EFCAB6: variants seen among roughly 807,000 people sequenced by gnomAD.
The protein encoded by EFCAB6 is EF-hand calcium-binding domain-containing protein 6.
A neutral mutation model predicts 169.8 loss-of-function variants in EFCAB6; 156 were observed. That is an observed-to-expected ratio of 0.92 (90% confidence interval 0.81 to 1.05). The LOEUF is 1.05. Among genes scored for constraint, EFCAB6 ranks in the 50% least tolerant of loss-of-function variants. The pLI, the probability that EFCAB6 is intolerant of heterozygous loss-of-function variation, is 0.00. For missense variants in EFCAB6, 1,800 were observed against 1,829.1 expected, an observed-to-expected ratio of 0.98 and a Z score of 0.29; for synonymous variants, 698 against 676.4, an observed-to-expected ratio of 1.03 and a Z score of -0.50.
rs547423395 is a variant in EFCAB6 at position 43,675,317 on chromosome 22, T to A, written c.1419+2679A>T. 3.9e-3 allele frequency among the ~76,000 whole-genome samples: 152 copies of A among 38,504 alleles called. 1 individual carries two copies. The highest frequency in any genetic ancestry group is 0.011 in the African/African-American group (145 of 13,180). 25.3% of individuals were successfully genotyped at this position (38,504 alleles called of 152,430 possible). On this transcript the variant is annotated intron_variant, in intron 13 of 31. Transcript: ENST00000262726. ...TAGCATAATTATATATTATAGTATA[T>A]TATACTATAATATATAATATAATAT...
At chr22:43,637,035 C>T (rs2055455765) in intron 17 of EFCAB6, among the ~76,000 whole-genome samples, 1 of 152,154 alleles carries the variant, frequency 6.6e-6, no homozygotes, top group Non-Finnish European at 1.5e-5. Context: ...AGCAGCTCTG[C>T]CATGGAGCCC....
chr22:43,649,028 G>A (rs1021937353), intron 17 of EFCAB6, among the ~76,000 whole-genome samples: 1 of 151,762 alleles, frequency 6.6e-6, no homozygotes, highest in African/African-American at 2.4e-5. Flanking sequence ...TGGTGCAAAC[G>A]AGCCAATGCC....
chr22:43,755,962 C>CTACT, intron 5 of EFCAB6, 130 bp from the exon 6 acceptor site: 1 of 903,562 alleles, frequency 1.1e-6, no homozygotes, highest in South Asian at 2.1e-5. Context: ...TTCTTACAAG[C>CTACT]TACTGTCTGC....
At chr22:43,576,208 C>G (rs1424415415) in intron 26 of EFCAB6, 89 bp downstream of exon 26, 4 of 1,146,954 alleles carry the variant, frequency 3.5e-6, no homozygotes, top group Non-Finnish European at 4.8e-6. Context: ...GCCAATTTAT[C>G]TGATATGGTT....
chr22:43,808,122 G>A (rs749241646), intron 2 of EFCAB6, among the ~76,000 whole-genome samples: 15 of 152,174 alleles, frequency 9.9e-5, no homozygotes, highest in Non-Finnish European at 4.4e-5. Flanking sequence ...TGTCTGTACT[G>A]AATATGTATG....
intron 8 of EFCAB6, among the ~76,000 whole-genome samples, chr22:43,718,598 C>T (rs866561032): frequency 2.0e-5 from 3 of 152,256 alleles, no homozygotes; most frequent in Middle Eastern, 6.8e-3. Context: ...AACTGGCCAA[C>T]GTGGTGAAAC....
intron 26 of EFCAB6, among the ~76,000 whole-genome samples, chr22:43,562,835 AGGCAGCCCGGTGGGGGATGGGAGGG>A (rs1180621178): frequency 5.7e-5 from 4 of 69,744 alleles, no homozygotes; most frequent in African/African-American, 2.5e-4. Flanking sequence ...GATGGGAGGG[AGGCAGCCCGGTGGGGGATGGGAGGG>A]AGGCAGCCCA....
At chr22:43,575,649 G>A (rs1426520136) in intron 26 of EFCAB6, among the ~76,000 whole-genome samples, 1 of 151,760 alleles carries the variant, frequency 6.6e-6, no homozygotes, top group Non-Finnish European at 1.5e-5. Flanking sequence ...ACACAATAGT[G>A]TATTTTGTTT....
intron 23 of EFCAB6, among the ~76,000 whole-genome samples, chr22:43,591,082 TTTG>T (rs777757076): frequency 5.3e-5 from 8 of 151,226 alleles, no homozygotes; most frequent in East Asian, 1.9e-4. Flanking sequence ...ACCCCCTGGG[TTTG>T]TTGTTGTTGT....
chr22:43,589,280 C>CA (rs1163346832), intron 24 of EFCAB6, among the ~76,000 whole-genome samples: 11 of 80,948 alleles, frequency 1.4e-4, no homozygotes, highest in East Asian at 6.9e-4. Flanking sequence ...GACTTCATGT[C>CA]AAAAAAAAAA....
chr22:43,677,870 G>T, intron 13 of EFCAB6, 126 bp downstream of exon 13: 2 of 950,830 alleles, frequency 2.1e-6, no homozygotes, highest in African/African-American at 1.7e-5. Flanking sequence ...CACTTAAAAT[G>T]ATTGAGTTGA....
At chr22:43,808,948 C>T (rs1012471978) in intron 2 of EFCAB6, 47 bp downstream of exon 2, 6 of 152,340 alleles carry the variant, frequency 3.9e-5, no homozygotes, top group African/African-American at 1.2e-4. Flanking sequence ...CCATTTACAA[C>T]GTCCCAGGGG....
chr22:43,719,414 A>G (rs2059445807), intron 8 of EFCAB6, among the ~76,000 whole-genome samples: 3 of 152,196 alleles, frequency 2.0e-5, no homozygotes, highest in South Asian at 4.1e-4. Context: ...CATGTGCCCA[A>G]ATAGATGGTG....
At chr22:43,547,972 T>C (rs2048159774) in intron 27 of EFCAB6, among the ~76,000 whole-genome samples, 1 of 151,904 alleles carries the variant, frequency 6.6e-6, no homozygotes, top group Admixed American at 6.6e-5. Flanking sequence ...GGCGGGCGCC[T>C]ATAGTCCCAG....
chr22:43,644,147 T>C (rs945918690), intron 17 of EFCAB6, among the ~76,000 whole-genome samples: 23 of 151,978 alleles, frequency 1.5e-4, no homozygotes, highest in African/African-American at 5.1e-4. Context: ...CAAATGCAGG[T>C]TGGATTTGGA....
intron 8 of EFCAB6, among the ~76,000 whole-genome samples, chr22:43,719,352 C>A (rs569721912): frequency 2.6e-3 from 400 of 152,310 alleles, no homozygotes; most frequent in Non-Finnish European, 4.8e-3. Flanking sequence ...GCTTACAGTG[C>A]GGTTTATGTT....
At chr22:43,678,721 A>G (rs1410126622) in intron 12 of EFCAB6, among the ~76,000 whole-genome samples, 2 of 152,226 alleles carry the variant, frequency 1.3e-5, no homozygotes, top group African/African-American at 4.8e-5. Context: ...ACCGTGAGAA[A>G]AAATTTCTTC....
intron 17 of EFCAB6, 109 bp from the exon 18 acceptor site, chr22:43,635,325 T>C (rs2055307183): frequency 2.5e-6 from 2 of 814,642 alleles, no homozygotes; most frequent in South Asian, 1.5e-5. Context: ...TCATGATTGT[T>C]ATTTGTCTGA....
At chr22:43,626,769 C>A in intron 19 of EFCAB6, 90 bp from the exon 20 acceptor site, 2 of 1,233,030 alleles carry the variant, frequency 1.6e-6, no homozygotes, top group Non-Finnish European at 2.3e-6. Context: ...CTCATCTCCA[C>A]GCGAGGAGGG....
Sources: gnomAD v4.1 joint callset for allele counts (sites outside exome capture counted in the v4.1 genomes callset) on GRCh38, gnomAD v4.1.1 for gene constraint, MANE v1.5 for transcripts, NCBI Gene and HGNC (gene_info 2026-07-23, HGNC 2026-07-21) for gene names.